FMN2: variants seen among roughly 807,000 people sequenced by gnomAD.
The protein encoded by FMN2 is formin 2.
In FMN2, 51 loss-of-function variants were observed where a neutral mutation model predicts 142.3. The observed-to-expected ratio is 0.36, with a 90% CI of 0.29 to 0.45. FMN2 has a LOEUF of 0.45. FMN2 is among the 20% of genes least tolerant of loss of function. The pLI, the probability that FMN2 is intolerant of heterozygous loss-of-function variation, is 1.00. For synonymous variants in FMN2, 882 were observed against 869.8 expected, an observed-to-expected ratio of 1.01 and a Z score of -0.25; for missense variants, 1,936 against 2,122.8, an observed-to-expected ratio of 0.91 and a Z score of 1.73.
intron 2 of FMN2, among the ~76,000 whole-genome samples, chr1:240,155,227 A>G (rs1444066426): frequency 6.6e-6 from 1 of 152,100 alleles, no homozygotes; most frequent in Non-Finnish European, 1.5e-5. Flanking sequence ...TTTTCTGCAT[A>G]GTGGAGAGCT....
intron 7 of FMN2, among the ~76,000 whole-genome samples, chr1:240,275,019 G>C (rs61829192): frequency 0.064 from 9,673 of 151,820 alleles, 422 homozygotes; most frequent in East Asian, 0.12. Context: ...GCATGAACCT[G>C]GTGGTATACC....
At chr1:240,123,997 A>G (rs1427831064) in intron 2 of FMN2, among the ~76,000 whole-genome samples, 2 of 152,248 alleles carry the variant, frequency 1.3e-5, no homozygotes, top group African/African-American at 4.8e-5. Context: ...AGCATGTGTC[A>G]GAATGTCCTT....
At chr1:240,161,884 G>T (rs76631026) in intron 2 of FMN2, among the ~76,000 whole-genome samples, 1 of 152,122 alleles carries the variant, frequency 6.6e-6, no homozygotes, top group Non-Finnish European at 1.5e-5. Context: ...AATATGGGAG[G>T]TATCTTGTTG....
At chr1:240,121,023 T>C (rs974139979) in intron 1 of FMN2, among the ~76,000 whole-genome samples, 1 of 152,156 alleles carries the variant, frequency 6.6e-6, no homozygotes, top group East Asian at 1.9e-4. Context: ...TAGCTGGACA[T>C]AGTGGTGCAT....
chr1:240,262,759 C>CTTTTTTTT (rs764626617), intron 7 of FMN2, among the ~76,000 whole-genome samples: 1 of 117,788 alleles, frequency 8.5e-6, no homozygotes, highest in Non-Finnish European at 1.7e-5. Flanking sequence ...AAAACTTTTA[C>CTTTTTTTT]TTTTTTTTTT....
intron 2 of FMN2, among the ~76,000 whole-genome samples, chr1:240,125,646 G>A (rs1159655202): frequency 6.6e-6 from 1 of 152,176 alleles, no homozygotes; most frequent in Non-Finnish European, 1.5e-5. Flanking sequence ...TTAAAGCCCA[G>A]AAGTGAACAG....
At chr1:240,270,213 C>T (rs1668953061) in intron 7 of FMN2, among the ~76,000 whole-genome samples, 1 of 151,942 alleles carries the variant, frequency 6.6e-6, no homozygotes, top group Non-Finnish European at 1.5e-5. Context: ...TGTCTATACC[C>T]AATTTGTTGG....
chr1:240,474,419 A>C lies in FMN2; in HGVS notation c.*265A>C. The C allele has an allele frequency of 2.7e-6, 1 of 364,586 alleles. No homozygotes were observed. Among genetic ancestry groups the C allele is most frequent in the East Asian group, 4.5e-5 (1 of 22,142 alleles). The allele number at this position is 364,586 out of a possible 1,614,324, so 22.6% of individuals were successfully genotyped here. A position where few individuals can be genotyped will look rare whatever the true frequency, so the allele number is the denominator to read the frequency against. ...TATTATACCGATAGACCAAAACAGC[A>C]TGTGTAAGAGGCAGTATCTGCACTA... is the stretch of plus-strand genomic sequence containing the variant. On this transcript the variant is annotated 3_prime_UTR_variant, in exon 18 of 18. Transcript: ENST00000319653.
At chr1:240,229,025 G>A in intron 6 of FMN2, among the ~76,000 whole-genome samples, 1 of 151,778 alleles carries the variant, frequency 6.6e-6, no homozygotes, top group East Asian at 2.0e-4. Flanking sequence ...CCTTCTGGGG[G>A]ATTCTGGTGA....
At chr1:240,240,322 T>A (rs987186951) in intron 6 of FMN2, among the ~76,000 whole-genome samples, 3 of 152,212 alleles carry the variant, frequency 2.0e-5, no homozygotes, top group African/African-American at 7.2e-5. Flanking sequence ...GGTACCTGTT[T>A]CACTGGATTT....
At chr1:240,121,680 C>T (rs566683856) in intron 1 of FMN2, among the ~76,000 whole-genome samples, 1 of 141,752 alleles carries the variant, frequency 7.1e-6, no homozygotes, top group South Asian at 2.2e-4. Context: ...TGAGCCACCG[C>T]GCCTGGCCCA....
chr1:240,209,161 C>T (rs1032969481), intron 5 of FMN2, among the ~76,000 whole-genome samples: 2 of 152,076 alleles, frequency 1.3e-5, no homozygotes. Flanking sequence ...AAATTATTTT[C>T]CATGTAAGAA....
At chr1:240,252,152 AC>A in intron 6 of FMN2, among the ~76,000 whole-genome samples, 1 of 152,124 alleles carries the variant, frequency 6.6e-6, no homozygotes, top group East Asian at 1.9e-4. Context: ...CAGGTGATCC[AC>A]CTGCCTCACC....
chr1:240,388,397 C>G (rs567163607), intron 14 of FMN2, among the ~76,000 whole-genome samples: 1 of 152,172 alleles, frequency 6.6e-6, no homozygotes, highest in East Asian at 1.9e-4. Flanking sequence ...CCAGGTTTGC[C>G]TGACTAAAGC....
chr1:240,123,516 A>G lies in FMN2; in HGVS notation c.1782+171A>G, dbSNP rs1662374060. Among the ~76,000 whole-genome samples, 5 of 151,478 alleles carry G rather than the reference A, an allele frequency of 3.3e-5. No individual in the cohort carries two copies. The South Asian group carries it at 1.0e-3, about 32-fold the overall frequency. ...TGTCTGTTTGTACACAAAAAAAAAAAAAAAAAGAAAGAAAAAAAACTAGCG... is the reference window on the plus strand; with the variant it reads ...TGTCTGTTTGTACACAAAAAAAAAAGAAAAAAGAAAGAAAAAAAACTAGCG... On this transcript the variant is annotated intron_variant, in intron 2 of 17. Transcript: ENST00000319653.
chr1:240,423,928 C>G (rs1572292743), intron 15 of FMN2, among the ~76,000 whole-genome samples: 1 of 152,258 alleles, frequency 6.6e-6, no homozygotes, highest in East Asian at 1.9e-4. Context: ...ATGATCTGTT[C>G]CTGTCTACAC....
intron 13 of FMN2, among the ~76,000 whole-genome samples, chr1:240,337,664 T>G (rs1671610527): frequency 6.6e-6 from 1 of 152,188 alleles, no homozygotes; most frequent in Non-Finnish European, 1.5e-5. Context: ...TGGGATTAGT[T>G]TGATAAAGAC....
At chr1:240,167,803 A>G (rs951271548) in intron 2 of FMN2, among the ~76,000 whole-genome samples, 2 of 152,190 alleles carry the variant, frequency 1.3e-5, no homozygotes, top group Non-Finnish European at 2.9e-5. Context: ...TAGGCTGGGC[A>G]CGGTGGCTCA....
At chr1:240,260,962 C>G (rs1668604394) in intron 7 of FMN2, among the ~76,000 whole-genome samples, 1 of 152,132 alleles carries the variant, frequency 6.6e-6, no homozygotes. Context: ...GTTTCATTCT[C>G]CTACAGTGTC....
Sources: gnomAD v4.1 joint callset for allele counts (sites outside exome capture counted in the v4.1 genomes callset) on GRCh38, gnomAD v4.1.1 for gene constraint, MANE v1.5 for transcripts, NCBI Gene and HGNC (gene_info 2026-07-23, HGNC 2026-07-21) for gene names.